EPB42: variants seen among roughly 807,000 people sequenced by gnomAD.
EPB42 encodes the protein protein 4.2.
Under a neutral mutation model 76.9 loss-of-function variants are expected in EPB42, and 49 were observed. That is an observed-to-expected ratio of 0.64 (90% confidence interval 0.51 to 0.81). The LOEUF is 0.81. Among genes scored for constraint, EPB42 ranks in the 30% least tolerant of loss-of-function variants. EPB42 has a pLI of 0.00. For synonymous variants in EPB42, 310 were observed against 338.4 expected (o/e 0.92, Z 0.92); for missense variants, 731 against 867.6 (o/e 0.84, Z 1.98).
intron 10 of EPB42, among the ~76,000 whole-genome samples, chr15:43,205,159 C>T (rs1298636922): frequency 6.6e-6 from 1 of 152,108 alleles, no homozygotes; most frequent in African/African-American, 2.4e-5. Context: ...ACTCAAACTC[C>T]TTAGCAAGAG....
intron 12 of EPB42, among the ~76,000 whole-genome samples, chr15:43,199,270 G>A (rs928892977): frequency 2.0e-5 from 3 of 152,164 alleles, no homozygotes; most frequent in South Asian, 2.1e-4. Context: ...TGGGAGGGAC[G>A]CTGTACCCTG....
intron 1 of EPB42, among the ~76,000 whole-genome samples, chr15:43,217,983 G>A (rs2042403001): frequency 6.6e-6 from 1 of 152,198 alleles, no homozygotes. Context: ...AGTGTGCAGA[G>A]GAGGGAAGGA....
intron 10 of EPB42, 82 bp from the exon 11 acceptor site, chr15:43,203,357 G>C (rs750643111): frequency 2.6e-6 from 4 of 1,564,714 alleles, no homozygotes; most frequent in Non-Finnish European, 2.6e-6. Context: ...CAATACAAAG[G>C]ACTCAGGGCC....
chr15:43,210,616 C>G (rs770755309), intron 4 of EPB42, among the ~76,000 whole-genome samples, 177 bp from the exon 5 acceptor site: 1 of 152,182 alleles, frequency 6.6e-6, no homozygotes, highest in African/African-American at 2.4e-5. Flanking sequence ...GCTCCCTCCC[C>G]CAACCTCTCA....
chr15:43,209,334 C>T lies in EPB42; in HGVS notation c.772G>A (p.Gly258Ser), dbSNP rs763615416. 12 of 1,613,968 alleles carry T rather than the reference C, an allele frequency of 7.4e-6. No individual in the cohort carries two copies. The highest frequency in any genetic ancestry group is 6.7e-5 in the Admixed American group (4 of 60,010). The change falls in exon 6 of 13, where the codon GGC becomes AGC. Residue 258 changes from glycine (G) to serine (S), a missense_variant. Gly to Ser is a moderately conservative substitution (Grantham distance 56). Transcript: ENST00000441366. ...CCATCATACACAGGTCGGCCTCGGC[C>T]GGTGAGCCACTGCCGCAGGATGGGC... Reference protein sequence around the residue: ...SVPILRQWLTGRGRPVYDGQA... With the variant: ...SVPILRQWLTSRGRPVYDGQA...
At chr15:43,223,230 T>C (rs1040577908), upstream of EPB42, among the ~76,000 whole-genome samples, 2 of 152,064 alleles carry the variant, frequency 1.3e-5, no homozygotes, top group African/African-American at 4.8e-5. Context: ...GGCAGGAGAA[T>C]AGCTTGAACC....
chr15:43,210,453 C>T lies in EPB42; in HGVS notation c.550-14G>A. The T allele has an allele frequency of 1.2e-6, 2 of 1,612,006 alleles. No homozygotes were observed. The highest frequency in any genetic ancestry group is 1.7e-6 in the Non-Finnish European group (2 of 1,178,978). The stretch of plus-strand genomic sequence containing the variant: ...ATCCCCCTCGAACTGTTAAGGATCA[C>T]ACAGGGCCATGATGAAGGGTCCCCA... On this transcript the variant is annotated splice_polypyrimidine_tract_variant and intron_variant, in intron 4 of 12. Transcript: ENST00000441366.
chr15:43,204,907 G>T (rs549376104), intron 10 of EPB42, among the ~76,000 whole-genome samples: 46 of 151,130 alleles, frequency 3.0e-4, no homozygotes, highest in South Asian at 1.0e-3. Context: ...ATTTTTAAAA[G>T]TTCCCCAGAT....
At position 43,209,270 on chromosome 15, in the gene EPB42, C is replaced by A. The variant is rs779311024; in HGVS notation, c.832+4G>T. On this transcript the variant is annotated splice_donor_region_variant and intron_variant, in intron 6 of 12. Transcript: ENST00000441366. ...GGCACTCTACAGGAGACAAGGGGAC[C>A]AACCTGTGCAAGCAACAGCAGCCAA... 4 of 1,613,908 alleles carry A rather than the reference C, an allele frequency of 2.5e-6. No homozygotes were observed. The highest frequency in any genetic ancestry group is 1.3e-5 in the African/African-American group (1 of 74,898).
chr15:43,211,372 G>A, intron 4 of EPB42, 44 bp downstream of exon 4: 1 of 1,214,902 alleles, frequency 8.2e-7, no homozygotes, highest in Non-Finnish European at 1.2e-6. Flanking sequence ...GCAAGGTTAT[G>A]GGACAGTCAC....
At chr15:43,225,390 G>GA (rs1310556037), upstream of EPB42, among the ~76,000 whole-genome samples, 3 of 152,192 alleles carry the variant, frequency 2.0e-5, no homozygotes, top group Non-Finnish European at 2.9e-5. Flanking sequence ...CCTTACCTAG[G>GA]AGAGCAATGG....
chr15:43,207,593 T>G, intron 8 of EPB42, 152 bp from the exon 9 acceptor site: 1 of 1,307,842 alleles, frequency 7.6e-7, no homozygotes, highest in Admixed American at 2.1e-5. Context: ...TCTGAGAGAG[T>G]CACAGAGGTG....
At chr15:43,215,796 A>C (rs764518783) in intron 2 of EPB42, among the ~76,000 whole-genome samples, 12 of 152,194 alleles carry the variant, frequency 7.9e-5, no homozygotes, top group Non-Finnish European at 1.6e-4. Context: ...TCCTGGGTTC[A>C]AGTGATTCTA....
chr15:43,213,874 C>T (rs1355214968), intron 3 of EPB42, among the ~76,000 whole-genome samples: 1 of 152,190 alleles, frequency 6.6e-6, no homozygotes, highest in Non-Finnish European at 1.5e-5. Context: ...GAACGCTGCC[C>T]TGGACAGAAG....
At chr15:43,212,624 G>A (rs1342154153) in intron 3 of EPB42, among the ~76,000 whole-genome samples, 1 of 152,184 alleles carries the variant, frequency 6.6e-6, no homozygotes, top group Non-Finnish European at 1.5e-5. Flanking sequence ...AAGGAGCAGC[G>A]GGGTTGAGAG....
At chr15:43,214,880 C>T (rs2042354129) in intron 3 of EPB42, among the ~76,000 whole-genome samples, 2 of 152,328 alleles carry the variant, frequency 1.3e-5, no homozygotes, top group South Asian at 4.1e-4. Flanking sequence ...TGGGAAGGCT[C>T]AACCTGCTTC....
rs1367540798 is a variant in EPB42, at chr15:43,206,004, C to A, written c.1618+326G>T. ...TCATCCTTCCAGATTCCATGCAGTA[C>A]AATTTATTTGGGGGCAGCTTATTCC... is the stretch of plus-strand genomic sequence containing the variant. On this transcript the variant is annotated intron_variant, in intron 10 of 12. Coordinates refer to ENST00000441366, the MANE Select transcript of EPB42 (RefSeq NM_001114134.2). The surrounding 1 kb of genome is among the most constrained non-coding windows in gnomAD (Gnocchi z 4.7). 2 of 272,130 alleles carry A rather than the reference C, an allele frequency of 7.3e-6. No homozygotes were observed. The highest frequency in any genetic ancestry group is 1.4e-5 in the Non-Finnish European group (2 of 142,954). 16.9% of individuals were successfully genotyped at this position (272,130 alleles called of 1,614,324 possible). A position where few individuals can be genotyped will look rare whatever the true frequency, so the allele number is the denominator to read the frequency against.
chr15:43,208,320 A>T lies in EPB42; in HGVS notation c.985T>A (p.Ser329Thr), dbSNP rs2042237544. 2 of 1,613,944 alleles carry T rather than the reference A, an allele frequency of 1.2e-6. No homozygotes were observed. Among genetic ancestry groups the T allele is most frequent in the Admixed American group, 3.3e-5 (2 of 60,002 alleles). The change falls in exon 8 of 13, where the codon TCC becomes ACC. Residue 329 changes from serine to threonine, a missense_variant. Physicochemically the swap from Ser to Thr is moderately conservative, Grantham distance 58. Coordinates refer to ENST00000441366, the MANE Select transcript of EPB42 (RefSeq NM_001114134.2). ...QRGRIWIFQT[S>T]TECWMTRPAL... is the part of the protein sequence containing the mutation. ...GGCCGCGTCATCCAGCACTCTGTGG[A>T]AGTCTGGAAGATCCTGAATGCAGCA...
intron 2 of EPB42, 90 bp from the exon 3 acceptor site, chr15:43,215,418 T>A (rs2042363615): frequency 7.0e-7 from 1 of 1,419,212 alleles, no homozygotes; most frequent in Non-Finnish European, 9.9e-7. Flanking sequence ...ATGGAGCAGG[T>A]GAAATTTGTT....
Sources: allele counts gnomAD v4.1 joint callset (sites outside exome capture counted in the v4.1 genomes callset), GRCh38; gene constraint gnomAD v4.1.1; non-coding constraint Gnocchi (gnomAD v3.1); transcripts MANE v1.5; gene names NCBI Gene and HGNC (gene_info 2026-07-23, HGNC 2026-07-21).